Variants in TRPV1 observed in about 807,000 individuals in gnomAD.
The protein encoded by TRPV1 is transient receptor potential cation channel subfamily V member 1.
Under a neutral mutation model 82.3 loss-of-function variants are expected in TRPV1, and 82 were observed. The observed-to-expected ratio is 1.00, with a 90% CI of 0.83 to 1.20. The LOEUF (loss-of-function observed/expected upper bound fraction) is 1.20, where lower values mean the gene tolerates loss of function less well. Among genes scored for constraint, TRPV1 ranks in the 50% most tolerant of loss-of-function variants. The pLI, the probability that TRPV1 is intolerant of heterozygous loss-of-function variation, is 0.00. For synonymous variants in TRPV1, 515 were observed against 467.7 expected (o/e 1.10, Z -1.30); for missense variants, 1,067 against 1,096.8 (o/e 0.97, Z 0.38).
rs1008322414 is a variant in TRPV1, at chr17:3,567,127, G to A, written c.2348-140C>T. On this transcript the variant is annotated intron_variant, in intron 16 of 16. Transcript: ENST00000572705. The stretch of plus-strand genomic sequence containing the variant: ...AATCCCAGCACTTTGGGAGGCCGAG[G>A]CAGGTGGATCACCTGAGGTCAGGAG... 3.3e-6 allele frequency: 3 copies of A among 912,828 alleles called. No homozygotes were observed. The Admixed American group carries it at 8.3e-5, about 25-fold the overall frequency. The allele number at this position is 912,828 out of a possible 1,614,324, so 56.5% of individuals were successfully genotyped here.
chr17:3,573,122 G>A (rs541875755), intron 14 of TRPV1, among the ~76,000 whole-genome samples: 7 of 152,010 alleles, frequency 4.6e-5, no homozygotes, highest in South Asian at 2.1e-4. Flanking sequence ...TCATAAGAAC[G>A]AAACTTATTA....
intron 2 of TRPV1, among the ~76,000 whole-genome samples, chr17:3,601,508 A>AC (rs1340353337): frequency 1.3e-5 from 2 of 149,898 alleles, no homozygotes; most frequent in Middle Eastern, 6.4e-3. Flanking sequence ...CCATCCCAGT[A>AC]CCCCACTTAA....
chr17:3,585,627 T>G, intron 9 of TRPV1, 141 bp downstream of exon 9: 1 of 1,045,340 alleles, frequency 9.6e-7, no homozygotes. Flanking sequence ...GTTCTCCACG[T>G]TCTCCATCCA....
intron 2 of TRPV1, among the ~76,000 whole-genome samples, chr17:3,599,667 C>T (rs2075247872): frequency 6.7e-6 from 1 of 149,692 alleles, no homozygotes; most frequent in East Asian, 2.0e-4. Context: ...CTCACTCTGT[C>T]CCCCAGGCTA....
At chr17:3,600,453 G>C (rs1281424225) in intron 2 of TRPV1, among the ~76,000 whole-genome samples, 1 of 152,142 alleles carries the variant, frequency 6.6e-6, no homozygotes, top group South Asian at 2.1e-4. Flanking sequence ...GCTGGGCGTG[G>C]TGGTGCACGC....
chr17:3,596,390 C>T lies in TRPV1; in HGVS notation c.-33-4007G>A, dbSNP rs78972462. Reference sequence around the variant, plus strand: ...AAGCTGGGAGAACGCTGGCCCAGGACCCAGCCAGATTATTCTCAGTAGTCC... The same window carrying T: ...AAGCTGGGAGAACGCTGGCCCAGGATCCAGCCAGATTATTCTCAGTAGTCC... On this transcript the variant is annotated intron_variant, in intron 2 of 16. Transcript: ENST00000572705. 5.0e-3 allele frequency among the ~76,000 whole-genome samples: 760 copies of T among 152,322 alleles called. 5 individuals are homozygous for T. Among genetic ancestry groups the T allele is most frequent in the African/African-American group, 0.017 (723 of 41,568 alleles).
intron 11 of TRPV1, among the ~76,000 whole-genome samples, chr17:3,579,536 C>T (rs368141609): frequency 1.1e-4 from 17 of 152,284 alleles, no homozygotes; most frequent in South Asian, 6.2e-4. Context: ...AATGCAATGG[C>T]GCGATCTGGG....
intron 10 of TRPV1, 102 bp from the exon 11 acceptor site, chr17:3,580,629 ATG>A (rs1272268330): frequency 3.3e-6 from 4 of 1,227,576 alleles, no homozygotes; most frequent in Non-Finnish European, 4.8e-6. Flanking sequence ...GGGTGGTCGA[ATG>A]TGTGAAAGCA....
rs1482212388 is a variant in TRPV1 at position 3,571,220 on chromosome 17, A to AGGGCG, written c.2347+299_2347+303dup. Among the ~76,000 whole-genome samples, 9 of 152,320 alleles carry AGGGCG rather than the reference A, an allele frequency of 5.9e-5. No individual in the cohort carries two copies. The East Asian group carries it at 1.7e-3, about 29-fold the overall frequency. On this transcript the variant is annotated intron_variant, in intron 16 of 16. Coordinates refer to ENST00000572705, the MANE Select transcript of TRPV1 (RefSeq NM_080704.4). ...GGCAGGGCAGCCCATACAAGGAGGC[A>AGGGCG]GGGCGGGGCTGGGCTGCGTCCCCTG...
At chr17:3,589,073 GC>G in intron 7 of TRPV1, 1 of 1,031,256 alleles carries the variant, frequency 9.7e-7, no homozygotes, top group Non-Finnish European at 1.4e-6. Flanking sequence ...ATCACTTGAG[GC>G]CAAGAGCTGG....
intron 8 of TRPV1, among the ~76,000 whole-genome samples, chr17:3,587,627 T>C (rs537973423): frequency 6.6e-6 from 1 of 152,304 alleles, no homozygotes; most frequent in Non-Finnish European, 1.5e-5. Flanking sequence ...GAGACCACCC[T>C]GACCAACATG....
intron 9 of TRPV1, 82 bp from the exon 10 acceptor site, chr17:3,583,512 T>C: frequency 8.5e-7 from 1 of 1,175,284 alleles, no homozygotes; most frequent in Non-Finnish European, 1.2e-6. Flanking sequence ...GAAGCCATAG[T>C]CCCTGCCCAG....
At chr17:3,571,998 C>A (rs1049878952) in intron 15 of TRPV1, 124 bp downstream of exon 15, 3 of 1,284,778 alleles carry the variant, frequency 2.3e-6, no homozygotes, top group African/African-American at 1.5e-5. Flanking sequence ...ATCCCTACAG[C>A]TGGCATTGGG....
chr17:3,588,041 A>G, intron 8 of TRPV1, 147 bp downstream of exon 8: 1 of 833,180 alleles, frequency 1.2e-6, no homozygotes, highest in Non-Finnish European at 1.8e-6. Flanking sequence ...AGTGGGCATG[A>G]GTGGGGAACG....
At chr17:3,595,076 C>A (rs1236862237) in intron 2 of TRPV1, among the ~76,000 whole-genome samples, 1 of 152,102 alleles carries the variant, frequency 6.6e-6, no homozygotes, top group East Asian at 1.9e-4. Context: ...GAAGATAACA[C>A]CCCGTCAAGG....
chr17:3,580,564 G>A (rs2074994287), intron 10 of TRPV1, 37 bp from the exon 11 acceptor site: 1 of 1,606,334 alleles, frequency 6.2e-7, no homozygotes, highest in East Asian at 2.2e-5. Context: ...CCCAGGCAAT[G>A]CTCGATGTGG....
chr17:3,606,538 C>T (rs182637), intron 2 of TRPV1, among the ~76,000 whole-genome samples: 58,133 of 152,046 alleles, frequency 0.38, 12,951 homozygotes, highest in East Asian at 0.67. Context: ...GGGATACTGA[C>T]GGCCAGCAAA....
Position 3,590,354 on chromosome 17 carries a change from T to C in TRPV1, c.643A>G (p.Met215Val), listed in dbSNP as rs774263754. The C allele has an allele frequency of 5.0e-6, 8 of 1,613,874 alleles. No individual in the cohort carries two copies. The highest frequency in any genetic ancestry group is 4.0e-5 in the African/African-American group (3 of 74,926). The stretch of plus-strand genomic sequence containing the variant: ...TCCACCAGGAGGGTCACCAGGGCCA[T>C]GTTGCGTCTCTCGATGGCGATGTGC... ...ALHIAIERRN[M>V]ALVTLLVENG... is the part of the protein sequence containing the mutation. Residue 215 changes from methionine (M) to valine (V), a missense_variant, in exon 6 of 17, where the codon ATG becomes GTG. By Grantham distance (21) the Met-to-Val change is conservative. Transcript: ENST00000572705.
chr17:3,571,662 A>G (rs748734750), intron 15 of TRPV1, 23 bp from the exon 16 acceptor site: 1 of 1,568,410 alleles, frequency 6.4e-7, no homozygotes, highest in Non-Finnish European at 8.7e-7. Context: ...GGGTCGGGAG[A>G]GCCTGAGAGC....
Sources: gnomAD v4.1 joint callset for allele counts (sites outside exome capture counted in the v4.1 genomes callset) on GRCh38, gnomAD v4.1.1 for gene constraint, MANE v1.5 for transcripts, NCBI Gene and HGNC (gene_info 2026-07-23, HGNC 2026-07-21) for gene names.